The following CCDC180 variants were observed in gnomAD, a reference collection of about 807,000 sequenced individuals.
CCDC180 encodes coiled-coil domain containing 180, also known as coiled-coil domain-containing protein 180.
In CCDC180, 154 loss-of-function variants were observed where a neutral mutation model predicts 209.2. The ratio of observed to expected loss-of-function variants is 0.74; its 90% CI spans 0.65 to 0.84. The LOEUF (loss-of-function observed/expected upper bound fraction) is 0.84, where lower values mean the gene tolerates loss of function less well. Ranked by LOEUF, CCDC180 falls within the 40% of genes least tolerant of loss-of-function variation. The pLI, the probability that CCDC180 is intolerant of heterozygous loss-of-function variation, is 0.00. For synonymous variants in CCDC180, 778 were observed against 749.1 expected, an observed-to-expected ratio of 1.04 and a Z score of -0.63; for missense variants, 1,874 against 1,997.3, an observed-to-expected ratio of 0.94 and a Z score of 1.18.
At chr9:97,353,502 T>G (rs1318877071) in intron 22 of CCDC180, among the ~76,000 whole-genome samples, 3 of 152,220 alleles carry the variant, frequency 2.0e-5, no homozygotes, top group Non-Finnish European at 4.4e-5. Context: ...GTATCTTGAT[T>G]CCTTATCAAT....
At chr9:97,354,804 C>T in intron 23 of CCDC180, 88 bp from the exon 24 acceptor site, 1 of 1,572,372 alleles carries the variant, frequency 6.4e-7, no homozygotes, top group Non-Finnish European at 8.7e-7. Flanking sequence ...CTCCATCCAA[C>T]CATTCACTGG....
intron 18 of CCDC180, among the ~76,000 whole-genome samples, chr9:97,341,525 T>A (rs557107473): frequency 8.5e-5 from 13 of 152,284 alleles, no homozygotes; most frequent in African/African-American, 3.1e-4. Flanking sequence ...ACAGCAAATA[T>A]TGCTGCCTGA....
chr9:97,319,549 G>C (rs1184455008), intron 10 of CCDC180, among the ~76,000 whole-genome samples: 2 of 152,124 alleles, frequency 1.3e-5, no homozygotes, highest in African/African-American at 4.8e-5. Flanking sequence ...TGTATTCAAA[G>C]TTTAGCTCCC....
At chr9:97,348,936 C>T (rs1488068628) in intron 20 of CCDC180, among the ~76,000 whole-genome samples, 175 bp from the exon 21 acceptor site, 1 of 152,220 alleles carries the variant, frequency 6.6e-6, no homozygotes, top group Non-Finnish European at 1.5e-5. Context: ...GCCAGGCCTC[C>T]TCTCCAGCCC....
chr9:97,328,308 CTCTT>C (rs918410753), intron 16 of CCDC180, among the ~76,000 whole-genome samples, 162 bp downstream of exon 16: 7 of 152,196 alleles, frequency 4.6e-5, no homozygotes, highest in Non-Finnish European at 8.8e-5. Flanking sequence ...AAGAGACCAT[CTCTT>C]TCTCAGTATA....
intron 4 of CCDC180, among the ~76,000 whole-genome samples, chr9:97,312,857 A>T (rs1001799655): frequency 6.6e-6 from 1 of 152,172 alleles, no homozygotes; most frequent in Admixed American, 6.5e-5. Flanking sequence ...TCACATGTGA[A>T]ACGAGGCTAG....
In CCDC180 at chr9:97,330,474, A is replaced by G. The variant is rs1587799939; in HGVS notation, c.1981A>G (p.Met661Val). The change falls in exon 18 of 37, where the codon ATG becomes GTG. Residue 661 changes from methionine to valine, a missense_variant. Transcript: ENST00000529487. The stretch of plus-strand genomic sequence containing the variant: ...GGTGGAAGAAGAAAACGATCAAGAA[A>G]TGGAGTCCTTCATAACTGAAGAGGT... ...EEVEEENDQE[M>V]ESFITEEVLG... The G allele has an allele frequency of 6.2e-7, 1 of 1,614,208 alleles. No individual in the cohort carries two copies. Among genetic ancestry groups the G allele is most frequent in the African/African-American group, 1.3e-5 (1 of 75,048 alleles).
Position 97,347,483 on chromosome 9 carries a change from AG to A in CCDC180, c.2671del (p.Ala891GlnfsTer18). The A allele has an allele frequency of 1.3e-6, 2 of 1,536,072 alleles. No homozygotes were observed. The highest frequency in any genetic ancestry group is 2.4e-5 in the South Asian group (2 of 84,060). ...QQIEKDIHNVRAAELLLHQEQ... is the reference protein window; with the variant it reads ...QQIEKDIHNVXAAELLLHQEQ... ...GATTGAAAAAGACATCCACAACGTC[AG>A]GGCAGGTACAGATGCTGCCTGGGAA... On this transcript the variant is annotated frameshift_variant, in exon 20 of 37. Transcript: ENST00000529487. LOFTEE classifies it high-confidence loss of function.
At chr9:97,324,943 G>T (rs940545857) in intron 13 of CCDC180, 76 bp from the exon 14 acceptor site, 6 of 1,391,212 alleles carry the variant, frequency 4.3e-6, no homozygotes, top group South Asian at 2.7e-5. Context: ...GAGACAGGGG[G>T]TCCCACAGGT....
rs1826842708 is a variant in CCDC180, at chr9:97,364,031, C to T, written c.3903-20C>T. 1 of 1,612,936 alleles carries T rather than the reference C, an allele frequency of 6.2e-7. No homozygotes were observed. Among genetic ancestry groups the T allele is most frequent in the Non-Finnish European group, 8.5e-7 (1 of 1,179,020 alleles). ...GTCTGTCCACAGCCTCCAGACCACC[C>T]ACCCACCTTTGTCCCACAGCTTCAC... On this transcript the variant is annotated intron_variant, in intron 28 of 36. Coordinates refer to ENST00000529487, the MANE Select transcript of CCDC180 (RefSeq NM_020893.6).
At chr9:97,312,699 C>T (rs1311391521) in intron 4 of CCDC180, among the ~76,000 whole-genome samples, 2 of 151,742 alleles carry the variant, frequency 1.3e-5, no homozygotes, top group African/African-American at 2.4e-5. Context: ...AACCCACCCC[C>T]GGTTAACCCA....
At chr9:97,341,721 GA>G (rs1367113085) in intron 18 of CCDC180, among the ~76,000 whole-genome samples, 3 of 152,228 alleles carry the variant, frequency 2.0e-5, no homozygotes, top group Non-Finnish European at 2.9e-5. Context: ...AGAGCTGTCT[GA>G]CAGGGACATT....
chr9:97,307,577 C>T, upstream of CCDC180: 1 of 672,436 alleles, frequency 1.5e-6, no homozygotes. Flanking sequence ...CAATTCTCCT[C>T]CCTGTGTCCC....
chr9:97,324,382 T>C (rs892405753), intron 13 of CCDC180, among the ~76,000 whole-genome samples: 1 of 152,184 alleles, frequency 6.6e-6, no homozygotes, highest in African/African-American at 2.4e-5. Flanking sequence ...CCAATAACTA[T>C]TGATGGACAC....
rs773766207 is a variant in CCDC180, at chr9:97,312,199, T to TA, written c.348dup (p.Val117SerfsTer3). 5 of 1,613,354 alleles carry TA rather than the reference T, an allele frequency of 3.1e-6. No homozygotes were observed. The highest frequency in any genetic ancestry group is 4.2e-6 in the Non-Finnish European group (5 of 1,179,472). ...GAAGTGCGGGGTCTCATGGATACTA[T>TA]AGGTGAGCCTCCATTCAGCCTCAAG... On this transcript the variant is annotated frameshift_variant and splice_region_variant, in exon 4 of 37. Coordinates refer to ENST00000529487, the MANE Select transcript of CCDC180 (RefSeq NM_020893.6). LOFTEE classifies it high-confidence loss of function.
intron 20 of CCDC180, 88 bp downstream of exon 20, chr9:97,347,577 C>G: frequency 8.2e-7 from 1 of 1,224,610 alleles, no homozygotes; most frequent in South Asian, 1.5e-5. Context: ...ATTAGCTGCC[C>G]CAGTTTGTAC....
intron 22 of CCDC180, 72 bp from the exon 23 acceptor site, chr9:97,354,497 C>A: frequency 1.3e-6 from 2 of 1,484,572 alleles, no homozygotes; most frequent in Non-Finnish European, 1.9e-6. Context: ...TGTGTGTCAG[C>A]CACAGTATTT....
At chr9:97,336,716 T>A (rs1417208598) in intron 18 of CCDC180, among the ~76,000 whole-genome samples, 1 of 152,210 alleles carries the variant, frequency 6.6e-6, no homozygotes, top group Non-Finnish European at 1.5e-5. Flanking sequence ...ATTGGTAGCT[T>A]GATGGGGATG....
chr9:97,357,835 G>A, intron 25 of CCDC180, 110 bp downstream of exon 25: 1 of 846,420 alleles, frequency 1.2e-6, no homozygotes, highest in East Asian at 2.7e-5. Flanking sequence ...CACAAGGTTG[G>A]CGGGGTGGGG....
Sources: allele counts gnomAD v4.1 joint callset (sites outside exome capture counted in the v4.1 genomes callset), GRCh38; gene constraint gnomAD v4.1.1; transcripts MANE v1.5; gene names NCBI Gene and HGNC (gene_info 2026-07-23, HGNC 2026-07-21).